Variants in FAM13A observed in about 807,000 individuals in gnomAD.
FAM13A encodes family with sequence similarity 13 member A.
FAM13A carries 76 observed loss-of-function variants against 129.6 expected under a neutral mutation model. That is an observed-to-expected ratio of 0.59 (90% CI 0.49 to 0.71). FAM13A has a LOEUF of 0.71. Among genes scored for constraint, FAM13A ranks in the 30% least tolerant of loss-of-function variants. The pLI is 0.00. For synonymous variants in FAM13A, 443 were observed against 449.9 expected, an observed-to-expected ratio of 0.98 and a Z score of 0.20; for missense variants, 1,108 against 1,249.3, an observed-to-expected ratio of 0.89 and a Z score of 1.70.
At chr4:88,819,387 A>G (rs1731441888) in intron 7 of FAM13A, among the ~76,000 whole-genome samples, 1 of 152,204 alleles carries the variant, frequency 6.6e-6, no homozygotes, top group Non-Finnish European at 1.5e-5. Context: ...TTTACTGGAA[A>G]GTTAGTCTAG....
chr4:89,017,114 T>G (rs1766603853), intron 3 of FAM13A, among the ~76,000 whole-genome samples: 1 of 152,230 alleles, frequency 6.6e-6, no homozygotes, highest in East Asian at 1.9e-4. Context: ...GTAAGTATAC[T>G]GTATGATGTT....
intron 6 of FAM13A, among the ~76,000 whole-genome samples, chr4:88,901,911 A>G (rs1747356809): frequency 6.6e-6 from 1 of 152,172 alleles, no homozygotes; most frequent in South Asian, 2.1e-4. Context: ...GGGGGATATT[A>G]CCACTGACCC....
At chr4:88,926,625 C>T (rs529650789) in intron 5 of FAM13A, among the ~76,000 whole-genome samples, 76 of 152,236 alleles carry the variant, frequency 5.0e-4, no homozygotes, top group African/African-American at 1.7e-3. Context: ...ACATGACTTT[C>T]TAGTGTTTAC....
intron 6 of FAM13A, among the ~76,000 whole-genome samples, chr4:88,872,145 G>C (rs1741526821): frequency 6.6e-6 from 1 of 152,132 alleles, no homozygotes; most frequent in African/African-American, 2.4e-5. Context: ...CCTGAAGGAA[G>C]CACTAAACAT....
intron 4 of FAM13A, among the ~76,000 whole-genome samples, chr4:88,968,861 T>C (rs1013942744): frequency 1.3e-5 from 2 of 152,196 alleles, no homozygotes; most frequent in African/African-American, 4.8e-5. Context: ...CAGAAATGCC[T>C]ATAACGCTGT....
At chr4:88,770,563 G>GA (rs60230748) in intron 11 of FAM13A, among the ~76,000 whole-genome samples, 13,766 of 96,840 alleles carry the variant, frequency 0.14, 1,028 homozygotes, top group Admixed American at 0.34. Flanking sequence ...TAGCTTAAAA[G>GA]AAAAAAGAAA....
In FAM13A at chr4:88,728,533, T is replaced by C; in HGVS notation, c.3072A>G (p.Ter1024TrpextTer13). The change falls in exon 24 of 24, where the codon TGA becomes TGG. Residue 1024 changes from the stop codon to tryptophan, a stop_lost. Transcript: ENST00000264344. ...AGCCCCCTGTGCTTGGCCATGCCCC[T>C]CACATGGACTTGGAATCAGTGTCTC... Reference protein sequence around the residue: ...SKRDTDSKSM* With the variant: ...SKRDTDSKSMW 2 of 1,614,130 alleles carry C rather than the reference T, an allele frequency of 1.2e-6. No individual in the cohort carries two copies. Among genetic ancestry groups the C allele is most frequent in the Non-Finnish European group, 1.7e-6 (2 of 1,179,998 alleles).
rs536500851 is a variant in FAM13A, at chr4:89,035,095, C to T, written c.28-5446G>A. Among the ~76,000 whole-genome samples, 8 of 152,132 alleles carry T rather than the reference C, an allele frequency of 5.3e-5. No individual in the cohort carries two copies. The East Asian group carries it at 1.4e-3, about 26-fold the overall frequency. ...CTCTGGACATGGATGCAGCTGGAGGCCAGTATCCTAAGCAAACTAATGCAG... is the reference window on the plus strand; with the variant it reads ...CTCTGGACATGGATGCAGCTGGAGGTCAGTATCCTAAGCAAACTAATGCAG... On this transcript the variant is annotated intron_variant, in intron 1 of 23. Transcript: ENST00000264344.
At chr4:88,728,734 A>C in intron 23 of FAM13A, 75 bp from the exon 24 acceptor site, 1 of 1,548,148 alleles carries the variant, frequency 6.5e-7, no homozygotes, top group Non-Finnish European at 8.9e-7. Context: ...CGGGCAAATT[A>C]TCATTGTTTA....
chr4:88,945,406 A>T (rs1460849063), intron 4 of FAM13A, among the ~76,000 whole-genome samples: 1 of 152,134 alleles, frequency 6.6e-6, no homozygotes, highest in East Asian at 1.9e-4. Flanking sequence ...CATGCTGTGG[A>T]GTTTTTCCCA....
At chr4:88,815,999 GA>G (rs1487722937) in intron 7 of FAM13A, among the ~76,000 whole-genome samples, 3 of 145,328 alleles carry the variant, frequency 2.1e-5, no homozygotes, top group Non-Finnish European at 4.5e-5. Flanking sequence ...AAAAAAAAAA[GA>G]AAGGTAAATT....
intron 1 of FAM13A, among the ~76,000 whole-genome samples, chr4:89,036,736 A>C (rs1579877033): frequency 6.6e-6 from 1 of 152,208 alleles, no homozygotes; most frequent in South Asian, 2.1e-4. Context: ...GGCCAGGCCC[A>C]GGGTCCTGTT....
intron 4 of FAM13A, among the ~76,000 whole-genome samples, chr4:88,967,570 G>C (rs1309156625): frequency 6.6e-6 from 1 of 152,144 alleles, no homozygotes; most frequent in African/African-American, 2.4e-5. Flanking sequence ...AATTTATAAT[G>C]TGAGCCCATT....
At chr4:88,836,481 T>C (rs1192525887) in intron 7 of FAM13A, among the ~76,000 whole-genome samples, 1 of 152,210 alleles carries the variant, frequency 6.6e-6, no homozygotes, top group African/African-American at 2.4e-5. Flanking sequence ...TCATCTACTT[T>C]TTTCACTCTG....
At chr4:88,797,470 G>A (rs754062486) in intron 8 of FAM13A, among the ~76,000 whole-genome samples, 1 of 151,950 alleles carries the variant, frequency 6.6e-6, no homozygotes, top group Non-Finnish European at 1.5e-5. Context: ...TTGCTATGTT[G>A]CCCAGGTTGG....
In FAM13A at chr4:88,747,736, C is replaced by T; in HGVS notation, c.2277G>A (p.Glu759=). ...QLEKEDEKKQ[E]LVDKAIKPSV... ...TGGGCTTTATTGCTTTATCCACCAGCTCTTGCTTCTTCTCATCTTCTTTCT... is the reference window on the plus strand; with the variant it reads ...TGGGCTTTATTGCTTTATCCACCAGTTCTTGCTTCTTCTCATCTTCTTTCT... Residue 759 remains glutamate (E), a synonymous_variant, in exon 18 of 24, where the codon GAG becomes GAA. Coordinates refer to ENST00000264344, the MANE Select transcript of FAM13A (RefSeq NM_014883.4). The T allele has an allele frequency of 1.2e-6, 2 of 1,614,200 alleles. No homozygotes were observed. Among genetic ancestry groups the T allele is most frequent in the Non-Finnish European group, 1.7e-6 (2 of 1,180,006 alleles).
chr4:88,852,596 G>A (rs1737787647), intron 6 of FAM13A, among the ~76,000 whole-genome samples: 1 of 152,080 alleles, frequency 6.6e-6, no homozygotes, highest in Non-Finnish European at 1.5e-5. Context: ...TGGTCTCAAT[G>A]GGTTCTCTGC....
intron 6 of FAM13A, among the ~76,000 whole-genome samples, chr4:88,868,782 A>G (rs769235546): frequency 9.8e-5 from 15 of 152,298 alleles, no homozygotes; most frequent in Non-Finnish European, 2.2e-4. Context: ...CAATACATAT[A>G]TAATCTCTCT....
intron 6 of FAM13A, among the ~76,000 whole-genome samples, chr4:88,880,954 C>T (rs1743459385): frequency 6.6e-6 from 1 of 152,064 alleles, no homozygotes; most frequent in South Asian, 2.1e-4. Context: ...GAACCATGCC[C>T]CTATCCCCGA....
Sources: gnomAD v4.1 joint callset for allele counts (sites outside exome capture counted in the v4.1 genomes callset) on GRCh38, gnomAD v4.1.1 for gene constraint, MANE v1.5 for transcripts, NCBI Gene and HGNC (gene_info 2026-07-23, HGNC 2026-07-21) for gene names.